Variants in ATRNL1 observed in about 807,000 individuals in gnomAD.
ATRNL1 encodes attractin like 1.
ATRNL1 carries 95 observed loss-of-function variants against 182.7 expected under a neutral mutation model. That is an observed-to-expected ratio of 0.52 (90% CI 0.44 to 0.62). The LOEUF (loss-of-function observed/expected upper bound fraction) is 0.62. Among genes scored for constraint, ATRNL1 ranks in the 20% least tolerant of loss-of-function variants. ATRNL1 has a pLI of 0.00. For missense variants in ATRNL1, 1,471 were observed against 1,679.5 expected (o/e 0.88, Z 2.17); for synonymous variants, 576 against 568.3 (o/e 1.01, Z -0.19).
chr10:115,536,332 AGCC>A (rs1480810344), intron 25 of ATRNL1, among the ~76,000 whole-genome samples: 8 of 151,988 alleles, frequency 5.3e-5, no homozygotes, highest in African/African-American at 1.9e-4. Flanking sequence ...CCCCTCCCCC[AGCC>A]TCGCTGTTGC....
chr10:115,804,119 A>G (rs1949863145), intron 27 of ATRNL1, among the ~76,000 whole-genome samples: 1 of 152,212 alleles, frequency 6.6e-6, no homozygotes, highest in Admixed American at 6.5e-5. Context: ...GAGAGGTTAA[A>G]TAGAAGGTCC....
At position 115,300,019 on chromosome 10, in the gene ATRNL1, T is replaced by A; in HGVS notation, c.2416-15T>A. On this transcript the variant is annotated splice_polypyrimidine_tract_variant and intron_variant, in intron 15 of 28. Transcript: ENST00000355044. ...TCTAACTTTCTTTGAATGCCCCTTTTCCTGTTGTTTACAGAAAGTATCACC... is the reference window on the plus strand; with the variant it reads ...TCTAACTTTCTTTGAATGCCCCTTTACCTGTTGTTTACAGAAAGTATCACC... The A allele has an allele frequency of 1.9e-6, 3 of 1,586,462 alleles. No individual in the cohort carries two copies. Among genetic ancestry groups the A allele is most frequent in the Non-Finnish European group, 2.6e-6 (3 of 1,157,548 alleles).
intron 13 of ATRNL1, among the ~76,000 whole-genome samples, chr10:115,272,309 A>T (rs79360443): frequency 6.6e-6 from 1 of 152,202 alleles, no homozygotes; most frequent in African/African-American, 2.4e-5. Flanking sequence ...TATTCTAGAC[A>T]TATTCTTCCT....
At chr10:115,165,471 G>T in intron 6 of ATRNL1, 87 bp from the exon 7 acceptor site, 2 of 586,160 alleles carry the variant, frequency 3.4e-6, no homozygotes, top group Non-Finnish European at 5.7e-6. Context: ...ATGAATACTT[G>T]GACACAAGTG....
intron 19 of ATRNL1, among the ~76,000 whole-genome samples, chr10:115,389,878 T>C (rs1442066687): frequency 2.0e-5 from 3 of 152,078 alleles, no homozygotes; most frequent in African/African-American, 7.2e-5. Flanking sequence ...ATCATTTTGA[T>C]AATAGCCACT....
At chr10:115,396,586 A>T (rs1844300874) in intron 20 of ATRNL1, among the ~76,000 whole-genome samples, 1 of 151,976 alleles carries the variant, frequency 6.6e-6, no homozygotes, top group Admixed American at 6.6e-5. Context: ...CTTCTATTAA[A>T]TATGTTGGTT....
chr10:115,419,068 A>G (rs1845536243), intron 20 of ATRNL1, among the ~76,000 whole-genome samples: 1 of 152,224 alleles, frequency 6.6e-6, no homozygotes, highest in Admixed American at 6.5e-5. Context: ...ATAAAAAACT[A>G]CAATAATTTG....
intron 21 of ATRNL1, among the ~76,000 whole-genome samples, chr10:115,453,482 T>G (rs1235127919): frequency 6.6e-6 from 1 of 152,156 alleles, no homozygotes; most frequent in Non-Finnish European, 1.5e-5. Flanking sequence ...TACCATTTTC[T>G]TTTGTTGATT....
intron 20 of ATRNL1, among the ~76,000 whole-genome samples, chr10:115,425,943 A>G (rs1345122040): frequency 6.6e-6 from 1 of 152,070 alleles, no homozygotes; most frequent in Non-Finnish European, 1.5e-5. Flanking sequence ...TTATTAAGGC[A>G]GGATACATAT....
At chr10:115,816,753 G>A (rs190079745) in intron 27 of ATRNL1, among the ~76,000 whole-genome samples, 55 of 152,040 alleles carry the variant, frequency 3.6e-4, no homozygotes, top group African/African-American at 1.2e-3. Context: ...GTTTCTTCAC[G>A]TAATGCCTGT....
chr10:115,445,730 G>A (rs570493217), intron 21 of ATRNL1, among the ~76,000 whole-genome samples: 6 of 97,884 alleles, frequency 6.1e-5, no homozygotes, highest in South Asian at 3.3e-4. Context: ...CATTTTTATC[G>A]CTCCAGAAAG....
intron 26 of ATRNL1, among the ~76,000 whole-genome samples, chr10:115,570,432 T>C (rs1247749174): frequency 6.6e-6 from 1 of 152,322 alleles, no homozygotes; most frequent in East Asian, 1.9e-4. Flanking sequence ...AACATGAAGA[T>C]ATATTTATGC....
At chr10:115,560,661 G>A (rs1853648266) in intron 26 of ATRNL1, among the ~76,000 whole-genome samples, 1 of 151,230 alleles carries the variant, frequency 6.6e-6, no homozygotes, top group Non-Finnish European at 1.5e-5. Flanking sequence ...AAATTGACAA[G>A]TAGATCCTAA....
At position 115,527,916 on chromosome 10, in the gene ATRNL1, C is replaced by T. The variant is rs1166069594; in HGVS notation, c.3716+8592C>T. On this transcript the variant is annotated intron_variant, in intron 25 of 28. Transcript: ENST00000355044. ...CCTCCCTTCCTTCCTTCCTTCCTTC[C>T]TCCCTTCCTCCCTCCTTCCTTCTCC... 1.7e-5 allele frequency among the ~76,000 whole-genome samples: 2 copies of T among 114,412 alleles called. 1 individual carries two copies. Among genetic ancestry groups the T allele is most frequent in the Non-Finnish European group, 3.8e-5 (2 of 53,258 alleles). The allele number at this position is 114,412 out of a possible 152,430, so 75.1% of individuals were successfully genotyped here.
chr10:115,922,950 T>C (rs1953111500), intron 28 of ATRNL1, among the ~76,000 whole-genome samples: 1 of 152,222 alleles, frequency 6.6e-6, no homozygotes, highest in Non-Finnish European at 1.5e-5. Flanking sequence ...GCTTATTCTC[T>C]TCCTATTCCT....
intron 15 of ATRNL1, among the ~76,000 whole-genome samples, chr10:115,289,481 A>T (rs2420076): frequency 6.6e-6 from 1 of 152,162 alleles, no homozygotes; most frequent in Non-Finnish European, 1.5e-5. Context: ...AAGTTTTTTC[A>T]TATGTTTTCT....
At chr10:115,199,224 G>C (rs914472889) in intron 8 of ATRNL1, among the ~76,000 whole-genome samples, 2 of 151,378 alleles carry the variant, frequency 1.3e-5, no homozygotes, top group Admixed American at 1.3e-4. Flanking sequence ...CACCTCATTG[G>C]TTACATTTAT....
chr10:115,540,295 G>A (rs1852279852), intron 25 of ATRNL1, among the ~76,000 whole-genome samples: 1 of 152,056 alleles, frequency 6.6e-6, no homozygotes, highest in Non-Finnish European at 1.5e-5. Context: ...TGAACAGTGG[G>A]TAGCCCTCCC....
At chr10:115,391,820 T>C (rs1369473149) in intron 19 of ATRNL1, among the ~76,000 whole-genome samples, 1 of 151,568 alleles carries the variant, frequency 6.6e-6, no homozygotes, top group Non-Finnish European at 1.5e-5. Context: ...TATATGGGGG[T>C]TTTAGTAGAG....
Sources: allele counts gnomAD v4.1 joint callset (sites outside exome capture counted in the v4.1 genomes callset), GRCh38; gene constraint gnomAD v4.1.1; transcripts MANE v1.5; gene names NCBI Gene and HGNC (gene_info 2026-07-23, HGNC 2026-07-21).